TMA16: variants seen among roughly 807,000 people sequenced by gnomAD.
TMA16 encodes translation machinery associated 16 homolog, also known as translation machinery-associated protein 16.
Under a neutral mutation model 27.1 loss-of-function variants are expected in TMA16, and 26 were observed. The observed-to-expected ratio is 0.96, with a 90% CI of 0.70 to 1.33. The LOEUF is 1.33. Among genes scored for constraint, TMA16 ranks in the 40% most tolerant of loss-of-function variants. The probability of loss-of-function intolerance (pLI) is 0.00; values close to 1 mark genes in which losing one functional copy is unlikely to be tolerated. For missense variants in TMA16, 233 were observed against 241.4 expected, an observed-to-expected ratio of 0.97 and a Z score of 0.23; for synonymous variants, 71 against 81.9, an observed-to-expected ratio of 0.87 and a Z score of 0.72.
intron 5 of TMA16, chr4:163,516,149 CAG>C (rs1383153974): frequency 1.3e-5 from 2 of 152,320 alleles, no homozygotes; most frequent in African/African-American, 4.8e-5. Flanking sequence ...CAGTATTTAT[CAG>C]AGCACATCCA....
chr4:163,520,042 CT>C lies in TMA16; in HGVS notation c.*532del. 1 of 603,798 alleles carries C rather than the reference CT, an allele frequency of 1.7e-6. No individual in the cohort carries two copies. Among genetic ancestry groups the C allele is most frequent in the Non-Finnish European group, 3.0e-6 (1 of 330,544 alleles). 37.4% of individuals were successfully genotyped at this position (603,798 alleles called of 1,614,324 possible). ...TTCTGGATTATAGATTATTATTTATCTTTTGAACCAGAGCTAAATGGTAAAA... is the reference window on the plus strand; with the variant it reads ...TTCTGGATTATAGATTATTATTTATCTTTGAACCAGAGCTAAATGGTAAAA... On this transcript the variant is annotated 3_prime_UTR_variant, in exon 7 of 7. Transcript: ENST00000358572.
At chr4:163,495,254 C>T (rs571090172) in intron 1 of TMA16, among the ~76,000 whole-genome samples, 1 of 152,214 alleles carries the variant, frequency 6.6e-6, no homozygotes. Flanking sequence ...CTGAATCCTG[C>T]CGTTACGCCC....
At chr4:163,495,006 C>T (rs1445550054) in intron 1 of TMA16, among the ~76,000 whole-genome samples, 1 of 152,220 alleles carries the variant, frequency 6.6e-6, no homozygotes, top group Non-Finnish European at 1.5e-5. Flanking sequence ...TAGAGTTCCG[C>T]GTCCGAGTGC....
intron 1 of TMA16, among the ~76,000 whole-genome samples, chr4:163,497,612 A>G (rs1298703042): frequency 6.6e-6 from 1 of 152,184 alleles, no homozygotes; most frequent in Admixed American, 6.5e-5. Context: ...CAAATCCAGC[A>G]GCATGGCATC....
rs1737586143 is a variant in TMA16 at position 163,498,030 on chromosome 4, C to G, written c.3+3226C>G. On this transcript the variant is annotated intron_variant, in intron 1 of 6. Transcript: ENST00000358572. ...AAATGGTATACTGGACACCTTAGTC[C>G]CTTGCTTTTTTGTCTTACCTGATCT... 3.9e-5 allele frequency among the ~76,000 whole-genome samples: 6 copies of G among 152,000 alleles called. No homozygotes were observed. The South Asian group carries it at 1.2e-3, about 32-fold the overall frequency.
At chr4:163,512,771 AAAACTT>A in intron 2 of TMA16, 45 bp from the exon 3 acceptor site, 1 of 1,465,062 alleles carries the variant, frequency 6.8e-7, no homozygotes, top group Non-Finnish European at 9.4e-7. Flanking sequence ...TCAGAGTTTT[AAAACTT>A]GCTTTGGAAA....
intron 3 of TMA16, among the ~76,000 whole-genome samples, chr4:163,513,099 A>G (rs183593538): frequency 7.2e-5 from 11 of 152,340 alleles, no homozygotes; most frequent in African/African-American, 2.6e-4. Context: ...CTGTCTACAC[A>G]TAACATTCAT....
In TMA16 at chr4:163,517,592, C is replaced by T. The variant is rs563997362; in HGVS notation, c.431+116C>T. On this transcript the variant is annotated intron_variant, in intron 6 of 6. Transcript: ENST00000358572. ...AAAAGAAAATCGGGTTTCTTTTAAC[C>T]TTTTCTTTTTTATCTGACCAAGTAA... The T allele has an allele frequency of 1.4e-4, 134 of 965,478 alleles. No individual in the cohort carries two copies. The African/African-American group carries it at 1.9e-3, about 14-fold the overall frequency. 59.8% of individuals were successfully genotyped at this position (965,478 alleles called of 1,614,324 possible).
intron 1 of TMA16, among the ~76,000 whole-genome samples, chr4:163,505,715 G>C (rs1310977085): frequency 6.6e-6 from 1 of 152,190 alleles, no homozygotes; most frequent in African/African-American, 2.4e-5. Flanking sequence ...CTGTGCTAAA[G>C]ACTTGGGACC....
chr4:163,503,818 A>G (rs10000612), intron 1 of TMA16, among the ~76,000 whole-genome samples: 339 of 152,288 alleles, frequency 2.2e-3, no homozygotes, highest in African/African-American at 7.9e-3. Context: ...AATGTATTGA[A>G]AAATATGAAA....
At chr4:163,518,996 A>G (rs1294941459) in intron 6 of TMA16, among the ~76,000 whole-genome samples, 2 of 152,150 alleles carry the variant, frequency 1.3e-5, no homozygotes, top group Non-Finnish European at 2.9e-5. Context: ...CATTATAAGA[A>G]TAACAGTTGA....
chr4:163,519,021 C>T (rs1400897956), intron 6 of TMA16, among the ~76,000 whole-genome samples: 5 of 152,030 alleles, frequency 3.3e-5, no homozygotes, highest in Non-Finnish European at 7.4e-5. Flanking sequence ...TGAAACTTAA[C>T]TGGGATGTAC....
chr4:163,499,101 C>A (rs1047598036), intron 1 of TMA16, among the ~76,000 whole-genome samples: 1 of 152,122 alleles, frequency 6.6e-6, no homozygotes, highest in African/African-American at 2.4e-5. Flanking sequence ...ATTAATAATT[C>A]TATTTCATTG....
At chr4:163,500,210 C>CTTTTTTTT (rs34832261) in intron 1 of TMA16, among the ~76,000 whole-genome samples, 7 of 132,244 alleles carry the variant, frequency 5.3e-5, no homozygotes, top group African/African-American at 1.1e-4. Flanking sequence ...TTCTTTCTTT[C>CTTTTTTTT]TTTTTTTTTT....
In TMA16 at chr4:163,512,882, A is replaced by G. The variant is rs751394073; in HGVS notation, c.154+23A>G. On this transcript the variant is annotated intron_variant, in intron 3 of 6. Transcript: ENST00000358572. ...TTGGTAAGTGGGTTTACTTATTTGA[A>G]ACTCTGGCTAGAGTATAGGGCATTT... 14 of 1,596,654 alleles carry G rather than the reference A, an allele frequency of 8.8e-6. No individual in the cohort carries two copies. In the African/African-American group the frequency reaches 1.9e-4, roughly 21 times the overall value.
At chr4:163,501,577 C>T (rs930604788) in intron 1 of TMA16, among the ~76,000 whole-genome samples, 3 of 152,110 alleles carry the variant, frequency 2.0e-5, no homozygotes, top group East Asian at 1.9e-4. Flanking sequence ...CATTTTTCAA[C>T]TTGTTGATTT....
Position 163,514,166 on chromosome 4 carries a change from C to A in TMA16, c.239+8C>A. On this transcript the variant is annotated splice_region_variant and intron_variant, in intron 4 of 6. Transcript: ENST00000358572. ...TTGTGAACTAATTGAAAGGTAAACACTGGGCATATTATGAGCAAAGGGTCA... is the reference window on the plus strand; with the variant it reads ...TTGTGAACTAATTGAAAGGTAAACAATGGGCATATTATGAGCAAAGGGTCA... The A allele has an allele frequency of 6.3e-7, 1 of 1,597,072 alleles. No homozygotes were observed.
intron 2 of TMA16, among the ~76,000 whole-genome samples, chr4:163,508,856 C>T (rs1041171163): frequency 2.6e-5 from 4 of 152,044 alleles, no homozygotes; most frequent in African/African-American, 4.8e-5. Flanking sequence ...ACAGAATTAG[C>T]GTTATAGAAA....
intron 1 of TMA16, among the ~76,000 whole-genome samples, chr4:163,499,560 A>T (rs1366004595): frequency 6.6e-6 from 1 of 152,074 alleles, no homozygotes; most frequent in Non-Finnish European, 1.5e-5. Flanking sequence ...TTAGTTGAGG[A>T]CACACTCGAA....
Sources: gnomAD v4.1 joint callset for allele counts (sites outside exome capture counted in the v4.1 genomes callset) on GRCh38, gnomAD v4.1.1 for gene constraint, MANE v1.5 for transcripts, NCBI Gene and HGNC (gene_info 2026-07-23, HGNC 2026-07-21) for gene names.